FAM120B: variants seen among roughly 807,000 people sequenced by gnomAD.
The protein encoded by FAM120B is constitutive coactivator of peroxisome proliferator-activated receptor gamma.
FAM120B carries 83 observed loss-of-function variants against 96.3 expected under a neutral mutation model. That is an observed-to-expected ratio of 0.86 (90% CI 0.72 to 1.03). The LOEUF (loss-of-function observed/expected upper bound fraction) is 1.03. Among genes scored for constraint, FAM120B ranks in the 50% least tolerant of loss-of-function variants. The probability of loss-of-function intolerance (pLI) is 0.00; values close to 1 mark genes in which losing one functional copy is unlikely to be tolerated. For missense variants in FAM120B, 1,027 were observed against 1,121.2 expected (o/e 0.92, Z 1.20); for synonymous variants, 407 against 402.7 (o/e 1.01, Z -0.13).
chr6:170,332,722 C>T (rs191942095), intron 4 of FAM120B, among the ~76,000 whole-genome samples: 2 of 152,172 alleles, frequency 1.3e-5, no homozygotes, highest in East Asian at 1.9e-4. Flanking sequence ...GAGATCCTGC[C>T]GATGGGCCCT....
At chr6:170,362,062 A>T (rs1394541409) in intron 6 of FAM120B, among the ~76,000 whole-genome samples, 2 of 152,194 alleles carry the variant, frequency 1.3e-5, no homozygotes, top group South Asian at 2.1e-4. Flanking sequence ...TGAAAGTGCT[A>T]GGATTATAGG....
At chr6:170,391,241 T>C in intron 8 of FAM120B, 120 bp downstream of exon 8, 1 of 759,558 alleles carries the variant, frequency 1.3e-6, no homozygotes, top group Non-Finnish European at 2.3e-6. Context: ...CAGAATAGAA[T>C]TTAAATGATA....
chr6:170,356,197 C>G (rs1355990450), intron 5 of FAM120B, among the ~76,000 whole-genome samples: 2 of 152,132 alleles, frequency 1.3e-5, no homozygotes, highest in Non-Finnish European at 2.9e-5. Context: ...TCCACTTTAC[C>G]TTTTTTCTAT....
At chr6:170,353,222 A>G (rs555896288) in intron 5 of FAM120B, among the ~76,000 whole-genome samples, 2 of 152,204 alleles carry the variant, frequency 1.3e-5, no homozygotes, top group Non-Finnish European at 2.9e-5. Context: ...GAGTAGACCA[A>G]TAATGAGTTC....
intron 1 of FAM120B, among the ~76,000 whole-genome samples, chr6:170,313,541 C>T (rs745484444): frequency 5.8e-4 from 89 of 152,238 alleles, no homozygotes; most frequent in Non-Finnish European, 2.2e-4. Context: ...AGACTTACCT[C>T]TGTTTGGCTT....
rs539323694 is a variant in FAM120B at position 170,390,923 on chromosome 6, G to A, written c.2491-90G>A. On this transcript the variant is annotated intron_variant, in intron 7 of 10. Transcript: ENST00000476287. ...CCTCGCCTTGGGAACAGTGTGGAAGGGTGTCCCCTAAGCTTCCTTCCAGCC... is the reference window on the plus strand; with the variant it reads ...CCTCGCCTTGGGAACAGTGTGGAAGAGTGTCCCCTAAGCTTCCTTCCAGCC... 4 of 1,000,908 alleles carry A rather than the reference G, an allele frequency of 4.0e-6. No individual in the cohort carries two copies. The African/African-American group carries it at 6.4e-5, about 16-fold the overall frequency. 62.0% of individuals were successfully genotyped at this position (1,000,908 alleles called of 1,614,324 possible). A position where few individuals can be genotyped will look rare whatever the true frequency, so the allele number is the denominator to read the frequency against.
In FAM120B at chr6:170,388,501, C is replaced by A. The variant is rs1281182684; in HGVS notation, c.2490+8C>A. ...GTTCTTTTAGAACAAAATGTGAGTT[C>A]ACAGACACCTACCTTTCACCAGAAA... On this transcript the variant is annotated splice_region_variant and intron_variant, in intron 7 of 10. Transcript: ENST00000476287. 6.2e-7 allele frequency: 1 copy of A among 1,610,934 alleles called. No homozygotes were observed. The highest frequency in any genetic ancestry group is 8.5e-7 in the Non-Finnish European group (1 of 1,177,136).
At chr6:170,392,515 G>A (rs959135176) in intron 8 of FAM120B, among the ~76,000 whole-genome samples, 4 of 152,222 alleles carry the variant, frequency 2.6e-5, no homozygotes, top group African/African-American at 9.7e-5. Flanking sequence ...TGCTTTGTCT[G>A]TCAGTGAAGT....
chr6:170,361,729 GT>G (rs1788473342), intron 6 of FAM120B, among the ~76,000 whole-genome samples: 1 of 152,132 alleles, frequency 6.6e-6, no homozygotes, highest in South Asian at 2.1e-4. Flanking sequence ...CATACATAGT[GT>G]GTACAACCCT....
At chr6:170,312,271 AAT>A (rs1784639605) in intron 1 of FAM120B, among the ~76,000 whole-genome samples, 1 of 152,180 alleles carries the variant, frequency 6.6e-6, no homozygotes, top group African/African-American at 2.4e-5. Context: ...TTTACAAATT[AAT>A]ATATTTCCCA....
chr6:170,361,342 C>T (rs1017983364), intron 6 of FAM120B, among the ~76,000 whole-genome samples: 12 of 150,098 alleles, frequency 8.0e-5, no homozygotes, highest in African/African-American at 2.7e-4. Context: ...TATGTATATA[C>T]ACATTCATTT....
chr6:170,348,056 A>C (rs2115139355), intron 4 of FAM120B, 95 bp from the exon 5 acceptor site: 642 of 955,422 alleles, frequency 6.7e-4, no homozygotes, highest in Non-Finnish European at 8.7e-4. Context: ...CAGGAAGGGA[A>C]GAGATTTGTT....
chr6:170,382,723 A>G (rs1789981253), intron 6 of FAM120B, among the ~76,000 whole-genome samples: 1 of 152,206 alleles, frequency 6.6e-6, no homozygotes. Context: ...TTCCCTCCAG[A>G]CTGATGTACA....
At chr6:170,298,826 C>T (rs544503134) in intron 1 of FAM120B, among the ~76,000 whole-genome samples, 7 of 152,314 alleles carry the variant, frequency 4.6e-5, no homozygotes, top group South Asian at 2.1e-4. Flanking sequence ...TGCCAGCTGT[C>T]ACTCATTTCT....
intron 8 of FAM120B, among the ~76,000 whole-genome samples, chr6:170,393,373 G>A (rs1424805598): frequency 6.6e-6 from 1 of 152,162 alleles, no homozygotes; most frequent in Non-Finnish European, 1.5e-5. Flanking sequence ...GAGCACTAAA[G>A]ATGACCTGTT....
chr6:170,397,199 G>A (rs1778221908), intron 9 of FAM120B, among the ~76,000 whole-genome samples: 1 of 152,350 alleles, frequency 6.6e-6, no homozygotes, highest in South Asian at 2.1e-4. Flanking sequence ...TGGGATGAGA[G>A]GCCTTCCTCA....
chr6:170,395,496 G>T lies in FAM120B; in HGVS notation c.2609G>T (p.Gly870Val). 1 of 1,593,646 alleles carries T rather than the reference G, an allele frequency of 6.3e-7. No homozygotes were observed. Among genetic ancestry groups the T allele is most frequent in the Non-Finnish European group, 8.5e-7 (1 of 1,170,056 alleles). Residue 870 changes from glycine (G) to valine (V), a missense_variant, in exon 9 of 11, where the codon GGA becomes GTA. This residue lies in a region of FAM120B where 142 missense variants were observed against 122.5 expected (regional missense o/e 1.16). Coordinates refer to ENST00000476287, the MANE Select transcript of FAM120B (RefSeq NM_032448.3). ...HWGSHHAGRW[G>V]RQGSSYHRTG... ...CTATGTGTTCCCACAGGGAGGTGGG[G>T]AAGACAGGGCTCCAGCTACCACAGG...
intron 9 of FAM120B, among the ~76,000 whole-genome samples, chr6:170,398,770 C>A (rs1194528909): frequency 8.5e-6 from 1 of 117,368 alleles, no homozygotes; most frequent in Admixed American, 9.3e-5. Flanking sequence ...ACGTCATAAG[C>A]CTTAGGAGTG....
At chr6:170,378,155 A>G (rs995331815) in intron 6 of FAM120B, among the ~76,000 whole-genome samples, 16 of 152,358 alleles carry the variant, frequency 1.1e-4, no homozygotes, top group African/African-American at 3.6e-4. Flanking sequence ...CACACACTGC[A>G]GACTTCCATC....
Sources: gnomAD v4.1 joint callset for allele counts (sites outside exome capture counted in the v4.1 genomes callset) on GRCh38, gnomAD v4.1.1 for gene constraint, gnomAD v4.1.1 regional missense constraint, MANE v1.5 for transcripts, NCBI Gene and HGNC (gene_info 2026-07-23, HGNC 2026-07-21) for gene names.